The following ALG1L2 variants were observed in gnomAD, a reference collection of about 807,000 sequenced individuals.
ALG1L2 encodes putative glycosyltransferase ALG1L2.
A neutral mutation model predicts 29.0 loss-of-function variants in ALG1L2; 32 were observed. That is an observed-to-expected ratio of 1.10 (90% confidence interval 0.83 to 1.48). The LOEUF (loss-of-function observed/expected upper bound fraction) is 1.48. Among genes scored for constraint, ALG1L2 ranks in the 40% most tolerant of loss-of-function variants. The pLI, the probability that ALG1L2 is intolerant of heterozygous loss-of-function variation, is 0.00. For synonymous variants in ALG1L2, 110 were observed against 109.5 expected (o/e 1.00, Z -0.03); for missense variants, 318 against 274.1 (o/e 1.16, Z -1.13).
At position 130,093,148 on chromosome 3, in the gene ALG1L2, T is replaced by G; in HGVS notation, c.301T>G (p.Cys101Gly). 6.2e-7 allele frequency: 1 copy of G among 1,611,552 alleles called. No homozygotes were observed. The highest frequency in any genetic ancestry group is 1.1e-5 in the South Asian group (1 of 90,962). The change falls in exon 4 of 8, where the codon TGT becomes GGT. Residue 101 changes from cysteine (C) to glycine (G), a missense_variant. Cys to Gly is a radical substitution (Grantham distance 159). Coordinates refer to ENST00000425059, the MANE Select transcript of ALG1L2 (RefSeq NM_001136152.1). ...LDGQNLPSLV[C>G]VITGKGPLRE... ...CGGACAGAACCTTCCTTCTCTCGTC[T>G]GTGTGATAACAGGTACTGCCTGGGA...
chr3:130,089,388 C>G (rs534642159), intron 1 of ALG1L2: 1 of 152,144 alleles, frequency 6.6e-6, no homozygotes, highest in Admixed American at 6.5e-5. Flanking sequence ...GAGTCATGGC[C>G]TCAGGCCACA....
chr3:130,091,350 C>A lies in ALG1L2; in HGVS notation c.110C>A (p.Thr37Lys). The A allele has an allele frequency of 2.5e-6, 4 of 1,597,344 alleles. No individual in the cohort carries two copies. The highest frequency in any genetic ancestry group is 1.1e-5 in the South Asian group (1 of 90,984). Residue 37 changes from threonine (T) to lysine (K), a missense_variant, in exon 2 of 8, where the codon ACG becomes AAG. Physicochemically the swap from Thr to Lys is moderately conservative, Grantham distance 78. Transcript: ENST00000425059. Reference protein sequence around the residue: ...QHRLFMKLGSTHSPFRARSEP... With the variant: ...QHRLFMKLGSKHSPFRARSEP... Reference sequence around the variant, plus strand: ...CGGCTCTTCATGAAGCTGGGCAGCACGCACTCTCCGTTCAGGGCCCGGTAG... The same window carrying A: ...CGGCTCTTCATGAAGCTGGGCAGCAAGCACTCTCCGTTCAGGGCCCGGTAG...
intron 5 of ALG1L2, among the ~76,000 whole-genome samples, chr3:130,095,643 T>C (rs1023346029): frequency 7.9e-5 from 12 of 151,598 alleles, no homozygotes; most frequent in Non-Finnish European, 1.5e-4. Flanking sequence ...GGTTTCACCA[T>C]GTTGACCAGG....
chr3:130,094,369 G>T lies in ALG1L2; in HGVS notation c.314-34G>T, dbSNP rs769338255. On this transcript the variant is annotated intron_variant, in intron 4 of 7. Transcript: ENST00000425059. ...GGGGCTATGTGGCAGGGACAGAGAC[G>T]GGTTCATGGCAGTGTCTGCTCTTCT... The T allele has an allele frequency of 1.6e-5, 25 of 1,583,136 alleles. No individual in the cohort carries two copies. The East Asian group carries it at 5.4e-4, about 34-fold the overall frequency.
chr3:130,096,645 CG>C (rs1559789243), intron 6 of ALG1L2, among the ~76,000 whole-genome samples: 1 of 151,988 alleles, frequency 6.6e-6, no homozygotes, highest in Non-Finnish European at 1.5e-5. Flanking sequence ...CCAGCATAGA[CG>C]GGTGTTTGGA....
At chr3:130,084,188 T>A (rs982655680) in intron 1 of ALG1L2, among the ~76,000 whole-genome samples, 1 of 150,930 alleles carries the variant, frequency 6.6e-6, no homozygotes, top group African/African-American at 2.4e-5. Flanking sequence ...CAGCTGGGTA[T>A]GGTGGCTCAC....
intron 6 of ALG1L2, 87 bp from the exon 7 acceptor site, chr3:130,097,088 G>C: frequency 6.4e-7 from 1 of 1,570,214 alleles, no homozygotes; most frequent in Non-Finnish European, 8.6e-7. Flanking sequence ...TGGCTTGAGC[G>C]TGGGGTGGGT....
chr3:130,090,356 A>T lies in ALG1L2; in HGVS notation c.21-905A>T, dbSNP rs552030052. On this transcript the variant is annotated intron_variant, in intron 1 of 7. Coordinates refer to ENST00000425059, the MANE Select transcript of ALG1L2 (RefSeq NM_001136152.1). ...GGCGACAGAGGGAGACCCTGTCTCA[A>T]TAAATAAAGAAAGAAATAAAAATAA... 2.0e-5 allele frequency among the ~76,000 whole-genome samples: 3 copies of T among 152,426 alleles called. No individual in the cohort carries two copies. In the South Asian group the frequency reaches 6.2e-4, roughly 32 times the overall value.
chr3:130,098,319 T>A lies in ALG1L2; in HGVS notation c.*64T>A. 1.3e-6 allele frequency: 2 copies of A among 1,596,444 alleles called. No homozygotes were observed. Among genetic ancestry groups the A allele is most frequent in the Admixed American group, 3.3e-5 (2 of 60,010 alleles). On this transcript the variant is annotated 3_prime_UTR_variant, in exon 8 of 8. Coordinates refer to ENST00000425059, the MANE Select transcript of ALG1L2 (RefSeq NM_001136152.1). ...GGGAGTCGCAGCAGCTCTGATGGGA[T>A]GAGAGCTGGGTGCAGACTGTGCTCC...
At position 130,097,303 on chromosome 3, in the gene ALG1L2, C is replaced by G; in HGVS notation, c.615+53C>G. On this transcript the variant is annotated intron_variant, in intron 7 of 7. Coordinates refer to ENST00000425059, the MANE Select transcript of ALG1L2 (RefSeq NM_001136152.1). ...TGGACAGGGTTCTGGAGACTGGCAC[C>G]GAGCCATGCTCCCTGATCCCTGTTT... 2.5e-6 allele frequency: 4 copies of G among 1,592,020 alleles called. No individual in the cohort carries two copies. The South Asian group carries it at 4.4e-5, about 18-fold the overall frequency.
At chr3:130,089,028 G>A (rs1265266145) in intron 1 of ALG1L2, among the ~76,000 whole-genome samples, 1 of 152,282 alleles carries the variant, frequency 6.6e-6, no homozygotes, top group South Asian at 2.1e-4. Flanking sequence ...TGGATGAGTA[G>A]GGCTAGCCAA....
rs2953751 is a variant in ALG1L2 at position 130,084,566 on chromosome 3, G to C, written c.20+2530G>C. ...AGCAGCACTTATGGGCGGGGCGGTA[G>C]TGGTGAAGATTAAATGAAGAGTTTA... is the stretch of plus-strand genomic sequence containing the variant. On this transcript the variant is annotated intron_variant, in intron 1 of 7. Transcript: ENST00000425059. 5.3e-5 allele frequency among the ~76,000 whole-genome samples: 7 copies of C among 131,668 alleles called. 2 individuals are homozygous for C. Among genetic ancestry groups the C allele is most frequent in the Non-Finnish European group, 1.2e-4 (7 of 56,718 alleles). The allele number at this position is 131,668 out of a possible 152,430, so 86.4% of individuals were successfully genotyped here.
In ALG1L2 at chr3:130,094,483, C is replaced by T. The variant is rs530817977; in HGVS notation, c.394C>T (p.Leu132=). 1.2e-4 allele frequency: 195 copies of T among 1,593,752 alleles called. No individual in the cohort carries two copies. The African/African-American group carries it at 2.4e-3, about 20-fold the overall frequency. The stretch of plus-strand genomic sequence containing the variant: ...GCACATCCAGGTCTGCATCCCCTGG[C>T]TGGAGGGCCGAGGACTACCCCCGCT... The part of the protein sequence containing the change: ...FQHIQVCIPW[L]EGRGLPPLLG... The change falls in exon 5 of 8, where the codon CTG becomes TTG. Residue 132 remains leucine, a synonymous_variant. Transcript: ENST00000425059.
chr3:130,090,630 T>C (rs181178900), intron 1 of ALG1L2: 1 of 152,788 alleles, frequency 6.5e-6, no homozygotes, highest in Admixed American at 6.5e-5. Flanking sequence ...TGAGACTGAA[T>C]CGTAAACGTG....
chr3:130,096,491 C>T (rs939806081), intron 6 of ALG1L2, among the ~76,000 whole-genome samples: 2 of 151,702 alleles, frequency 1.3e-5, no homozygotes, highest in East Asian at 1.9e-4. Context: ...GGGGCTTTTG[C>T]TCCTAGAGTA....
chr3:130,094,907 C>A (rs1311227381), intron 5 of ALG1L2, among the ~76,000 whole-genome samples: 43 of 152,198 alleles, frequency 2.8e-4, no homozygotes, highest in Admixed American at 2.7e-3. Context: ...CCTTTGCCTC[C>A]GTCTCTTTCC....
At chr3:130,093,242 C>T (rs753325790) in intron 4 of ALG1L2, 82 bp downstream of exon 4, 273 of 1,490,392 alleles carry the variant, frequency 1.8e-4, no homozygotes, top group Non-Finnish European at 2.4e-4. Context: ...CTGTGCTTCC[C>T]ACGATCTTGT....
chr3:130,083,693 T>C (rs1273817977), intron 1 of ALG1L2, among the ~76,000 whole-genome samples: 1 of 139,736 alleles, frequency 7.2e-6, no homozygotes, highest in African/African-American at 2.5e-5. Context: ...AAATAACAAA[T>C]GAAAGCATCA....
rs558562076 is a variant in ALG1L2, at chr3:130,087,155, C to T, written c.21-4106C>T. Among the ~76,000 whole-genome samples the T allele has an allele frequency of 3.0e-3, 441 of 148,766 alleles. 3 individuals are homozygous for T. The highest frequency in any genetic ancestry group is 4.5e-3 in the Non-Finnish European group (295 of 66,034). On this transcript the variant is annotated intron_variant, in intron 1 of 7. Transcript: ENST00000425059. ...TGAACCTGCTCCCACCTTCACTGAA[C>T]GATCAACATTCACTTTGGTGTAATG...
Sources: gnomAD v4.1 joint callset for allele counts (sites outside exome capture counted in the v4.1 genomes callset) on GRCh38, gnomAD v4.1.1 for gene constraint, MANE v1.5 for transcripts, NCBI Gene and HGNC (gene_info 2026-07-23, HGNC 2026-07-21) for gene names.